The following SOX5 variants were observed in gnomAD, a reference collection of about 807,000 sequenced individuals.
SOX5 encodes transcription factor SOX-5.
In SOX5, 9 loss-of-function variants were observed where a neutral mutation model predicts 92.0. That is an observed-to-expected ratio of 0.10 (90% CI 0.06 to 0.17). The LOEUF (loss-of-function observed/expected upper bound fraction) is 0.17, where lower values mean the gene tolerates loss of function less well. Among genes scored for constraint, SOX5 ranks in the 10% least tolerant of loss-of-function variants. The probability of loss-of-function intolerance (pLI) is 1.00; values close to 1 mark genes in which losing one functional copy is unlikely to be tolerated. For synonymous variants in SOX5, 344 were observed against 336.3 expected, an observed-to-expected ratio of 1.02 and a Z score of -0.25; for missense variants, 642 against 944.5, an observed-to-expected ratio of 0.68 and a Z score of 4.20.
chr12:23,829,953 T>C (rs1420047703), intron 3 of SOX5, among the ~76,000 whole-genome samples: 1 of 152,118 alleles, frequency 6.6e-6, no homozygotes, highest in Non-Finnish European at 1.5e-5. Flanking sequence ...GGTACTCAGC[T>C]CCAGGACCTG....
chr12:23,589,559 T>C (rs1191037443), intron 9 of SOX5, among the ~76,000 whole-genome samples: 1 of 151,886 alleles, frequency 6.6e-6, no homozygotes. Context: ...AAGAGGTAAA[T>C]GGCGAATACT....
At chr12:24,273,903 C>T (rs1391327482) in intron 3 of SOX5, among the ~76,000 whole-genome samples, 2 of 152,080 alleles carry the variant, frequency 1.3e-5, no homozygotes, top group African/African-American at 4.8e-5. Flanking sequence ...TAAAAACTTT[C>T]TAGTTTCCGT....
At chr12:24,337,380 G>A (rs1952032547) in intron 2 of SOX5, among the ~76,000 whole-genome samples, 1 of 145,078 alleles carries the variant, frequency 6.9e-6, no homozygotes, top group Non-Finnish European at 1.5e-5. Context: ...TCACTCTGTT[G>A]CCCAGGCTGG....
At chr12:24,243,462 A>G (rs1937902942) in intron 3 of SOX5, among the ~76,000 whole-genome samples, 1 of 152,172 alleles carries the variant, frequency 6.6e-6, no homozygotes, top group Non-Finnish European at 1.5e-5. Flanking sequence ...AAAGCTCAAT[A>G]GCAGCTTTTT....
At chr12:24,505,836 T>TGTGTGTGTGTGTGTGC (rs1387960321) in intron 1 of SOX5, among the ~76,000 whole-genome samples, 172 of 101,520 alleles carry the variant, frequency 1.7e-3, no homozygotes, top group African/African-American at 7.1e-3. Context: ...GGTATGTGTG[T>TGTGTGTGTGTGTGTGC]GTGTGTGTGT....
chr12:24,140,255 G>A (rs1242579579), intron 4 of SOX5, among the ~76,000 whole-genome samples: 1 of 152,042 alleles, frequency 6.6e-6, no homozygotes, highest in Non-Finnish European at 1.5e-5. Flanking sequence ...AGGGAGGGGT[G>A]GTGGTGTTAG....
At chr12:23,614,456 C>A (rs552624710) in intron 8 of SOX5, among the ~76,000 whole-genome samples, 4 of 152,194 alleles carry the variant, frequency 2.6e-5, no homozygotes, top group Admixed American at 6.5e-5. Flanking sequence ...CTTAGCGTAA[C>A]ATTTTTGAAC....
chr12:24,241,835 C>T (rs1269286830), intron 3 of SOX5, among the ~76,000 whole-genome samples: 1 of 152,026 alleles, frequency 6.6e-6, no homozygotes, highest in Non-Finnish European at 1.5e-5. Flanking sequence ...TTGGTTGGTT[C>T]ATGAAAATTA....
chr12:24,317,756 C>G (rs553748413), intron 2 of SOX5, among the ~76,000 whole-genome samples: 4 of 152,324 alleles, frequency 2.6e-5, no homozygotes, highest in African/African-American at 9.6e-5. Flanking sequence ...TCAGCCACCT[C>G]TTGGCTTCAC....
intron 1 of SOX5, among the ~76,000 whole-genome samples, chr12:24,441,200 A>G (rs893776952): frequency 2.6e-5 from 4 of 152,210 alleles, no homozygotes; most frequent in African/African-American, 9.6e-5. Context: ...CAGAAATGCA[A>G]AAAAATTCCC....
intron 2 of SOX5, among the ~76,000 whole-genome samples, chr12:23,884,565 C>G (rs545213055): frequency 9.2e-5 from 14 of 152,268 alleles, no homozygotes; most frequent in Admixed American, 3.3e-4. Flanking sequence ...ATTGTTCTAC[C>G]TGCCTCCCCC....
intron 1 of SOX5, among the ~76,000 whole-genome samples, chr12:24,421,205 G>C (rs1302916233): frequency 6.6e-6 from 1 of 152,130 alleles, no homozygotes; most frequent in Non-Finnish European, 1.5e-5. Flanking sequence ...AGAGGCTTCT[G>C]GGATTGTTCA....
chr12:23,852,839 C>T (rs957552247), intron 2 of SOX5, among the ~76,000 whole-genome samples: 17 of 152,040 alleles, frequency 1.1e-4, no homozygotes, highest in Non-Finnish European at 2.2e-4. Context: ...ATCAGATGTT[C>T]AGGAGGTGGA....
At chr12:24,522,265 G>T (rs1303725305) in intron 1 of SOX5, among the ~76,000 whole-genome samples, 1 of 151,720 alleles carries the variant, frequency 6.6e-6, no homozygotes, top group African/African-American at 2.4e-5. Context: ...TAGTATAGAA[G>T]TTGAATCAAT....
chr12:24,473,009 A>G (rs955388661), intron 1 of SOX5, among the ~76,000 whole-genome samples: 8 of 152,134 alleles, frequency 5.3e-5, no homozygotes, highest in South Asian at 2.1e-4. Context: ...AACCTCTACA[A>G]ATAATTTTTC....
At chr12:23,834,484 G>C (rs1020410426) in intron 3 of SOX5, among the ~76,000 whole-genome samples, 2 of 151,846 alleles carry the variant, frequency 1.3e-5, no homozygotes, top group Non-Finnish European at 2.9e-5. Context: ...ACTAATTTAA[G>C]TGTTTTTGAA....
At chr12:24,135,894 G>T (rs1304143127) in intron 4 of SOX5, among the ~76,000 whole-genome samples, 1 of 152,168 alleles carries the variant, frequency 6.6e-6, no homozygotes, top group African/African-American at 2.4e-5. Flanking sequence ...TGGGAAGTTA[G>T]CCTGAAATCT....
At chr12:24,270,051 C>T (rs976179929) in intron 3 of SOX5, among the ~76,000 whole-genome samples, 6 of 150,456 alleles carry the variant, frequency 4.0e-5, no homozygotes, top group Non-Finnish European at 8.9e-5. Context: ...TTGTTCATTT[C>T]TAATGTGGGA....
At chr12:23,616,179 C>T (rs926993422) in intron 8 of SOX5, among the ~76,000 whole-genome samples, 4 of 152,126 alleles carry the variant, frequency 2.6e-5, no homozygotes, top group South Asian at 2.1e-4. Context: ...ACTAAGGTGA[C>T]GCCTGGAAAA....
Sources: gnomAD v4.1 joint callset for allele counts (sites outside exome capture counted in the v4.1 genomes callset) on GRCh38, gnomAD v4.1.1 for gene constraint, MANE v1.5 for transcripts, NCBI Gene and HGNC (gene_info 2026-07-23, HGNC 2026-07-21) for gene names.